CCDC178: variants seen among roughly 807,000 people sequenced by gnomAD.
The protein encoded by CCDC178 is coiled-coil domain containing 178.
A neutral mutation model predicts 117.4 loss-of-function variants in CCDC178; 126 were observed. That is an observed-to-expected ratio of 1.07 (90% confidence interval 0.93 to 1.24). CCDC178 has a LOEUF of 1.24. Among genes scored for constraint, CCDC178 ranks in the 50% most tolerant of loss-of-function variants. The pLI, the probability that CCDC178 is intolerant of heterozygous loss-of-function variation, is 0.00. For synonymous variants in CCDC178, 283 were observed against 313.4 expected, an observed-to-expected ratio of 0.90 and a Z score of 1.02; for missense variants, 1,030 against 986.9, an observed-to-expected ratio of 1.04 and a Z score of -0.59.
intron 8 of CCDC178, 140 bp downstream of exon 8, chr18:33,348,750 G>T (rs73955118): frequency 1.7e-6 from 1 of 605,030 alleles, no homozygotes; most frequent in East Asian, 3.0e-5. Context: ...AAATGATATA[G>T]AGGACTATTT....
intron 20 of CCDC178, among the ~76,000 whole-genome samples, chr18:33,206,720 C>T (rs531797104): frequency 3.3e-4 from 50 of 152,234 alleles, no homozygotes; most frequent in African/African-American, 1.2e-3. Flanking sequence ...AGCCAAGCTC[C>T]AGTAATATCT....
intron 12 of CCDC178, among the ~76,000 whole-genome samples, chr18:33,292,938 C>T (rs2062054736): frequency 6.6e-6 from 1 of 151,964 alleles, no homozygotes; most frequent in African/African-American, 2.4e-5. Context: ...CATGCTGTGC[C>T]CAGACTTCTG....
chr18:33,000,037 C>T (rs180688287), intron 21 of CCDC178, among the ~76,000 whole-genome samples: 2 of 152,058 alleles, frequency 1.3e-5, no homozygotes, highest in Non-Finnish European at 2.9e-5. Flanking sequence ...AAATATGTGA[C>T]CTTTCAGACA....
chr18:32,974,891 G>T (rs138659028), intron 21 of CCDC178, among the ~76,000 whole-genome samples: 1 of 152,104 alleles, frequency 6.6e-6, no homozygotes, highest in Non-Finnish European at 1.5e-5. Context: ...CCGCCAGGAT[G>T]GGGGGTTAAT....
chr18:33,349,172 C>A, intron 7 of CCDC178, among the ~76,000 whole-genome samples, 197 bp from the exon 8 acceptor site: 1 of 151,504 alleles, frequency 6.6e-6, no homozygotes. Context: ...TTAATAAAAA[C>A]TTAAAATTAG....
At chr18:33,149,838 T>C (rs2144336268) in intron 20 of CCDC178, among the ~76,000 whole-genome samples, 1 of 152,136 alleles carries the variant, frequency 6.6e-6, no homozygotes, top group Admixed American at 6.5e-5. Context: ...CAGTGAAGAT[T>C]AACAGTCAAA....
intron 9 of CCDC178, among the ~76,000 whole-genome samples, chr18:33,337,890 A>G (rs1407741692): frequency 1.3e-5 from 2 of 152,202 alleles, no homozygotes; most frequent in Non-Finnish European, 2.9e-5. Flanking sequence ...AAACGCAACA[A>G]AAACAAAGAT....
At chr18:32,962,184 CCTAT>C (rs1234662262) in intron 22 of CCDC178, among the ~76,000 whole-genome samples, 6 of 151,826 alleles carry the variant, frequency 4.0e-5, no homozygotes, top group Non-Finnish European at 7.4e-5. Flanking sequence ...TATTTATTCT[CCTAT>C]CTTTTATGCT....
chr18:33,335,336 G>GT (rs1006975092), intron 9 of CCDC178, among the ~76,000 whole-genome samples: 2 of 151,724 alleles, frequency 1.3e-5, no homozygotes, highest in East Asian at 1.9e-4. Flanking sequence ...ACTTCTAAAT[G>GT]TTTTTTATTT....
chr18:33,166,452 A>G (rs200432), intron 20 of CCDC178, among the ~76,000 whole-genome samples: 24,502 of 152,028 alleles, frequency 0.16, 2,754 homozygotes, highest in African/African-American at 0.32. Flanking sequence ...ACGGCACTAG[A>G]TTCCAACTCT....
At chr18:32,982,939 G>A (rs557140867) in intron 21 of CCDC178, among the ~76,000 whole-genome samples, 2 of 152,104 alleles carry the variant, frequency 1.3e-5, no homozygotes, top group Non-Finnish European at 2.9e-5. Context: ...AACACCAAGA[G>A]TGAACCCTAA....
Position 33,088,573 on chromosome 18 carries a change from C to T in CCDC178, c.2388+4188G>A, listed in dbSNP as rs565948435. ...GCATTGTGTTTTAAATTTCACATTC[C>T]AATTGCTCATTGCTGGTATATAGAA... On this transcript the variant is annotated intron_variant, in intron 21 of 22. Transcript: ENST00000383096. 1.4e-4 allele frequency among the ~76,000 whole-genome samples: 22 copies of T among 152,048 alleles called. No individual in the cohort carries two copies. In the South Asian group the frequency reaches 4.4e-3, roughly 30 times the overall value.
At chr18:33,389,677 G>T in intron 4 of CCDC178, 48 bp from the exon 5 acceptor site, 1 of 986,888 alleles carries the variant, frequency 1.0e-6, no homozygotes, top group Non-Finnish European at 1.4e-6. Flanking sequence ...TAATATTATA[G>T]AAAATTTTAA....
chr18:33,293,063 A>G, intron 12 of CCDC178, 96 bp downstream of exon 12: 2 of 755,190 alleles, frequency 2.6e-6, no homozygotes, highest in Non-Finnish European at 4.1e-6. Context: ...ATATAAAAAA[A>G]TTGGCCAATT....
rs117149735 is a variant in CCDC178 at position 33,045,740 on chromosome 18, G to T, written c.2388+47021C>A. On this transcript the variant is annotated intron_variant, in intron 21 of 22. Transcript: ENST00000383096. ...ACAAAGCCGAAGCATTGCAGGCGTA[G>T]CTTAGTAGTTACCAGTTTTCCAAAT... 3.2e-4 allele frequency among the ~76,000 whole-genome samples: 49 copies of T among 152,238 alleles called. No homozygotes were observed. The East Asian group carries it at 5.8e-3, about 18-fold the overall frequency.
chr18:33,042,370 G>A (rs970208261), intron 21 of CCDC178, among the ~76,000 whole-genome samples: 18 of 151,714 alleles, frequency 1.2e-4, no homozygotes, highest in Non-Finnish European at 1.5e-5. Context: ...AAGTACAGAG[G>A]GCAAAGAAGT....
At chr18:32,999,628 C>T (rs76552933) in intron 21 of CCDC178, among the ~76,000 whole-genome samples, 277 of 152,234 alleles carry the variant, frequency 1.8e-3, no homozygotes, top group African/African-American at 6.4e-3. Flanking sequence ...CAGCTCCATG[C>T]AGCTCAGCAC....
chr18:32,938,159 T>C, intron 22 of CCDC178, 68 bp from the exon 23 acceptor site: 1 of 1,082,806 alleles, frequency 9.2e-7, no homozygotes, highest in Non-Finnish European at 1.4e-6. Flanking sequence ...AGCATTATTA[T>C]GAAATCATAC....
intron 8 of CCDC178, among the ~76,000 whole-genome samples, chr18:33,348,096 A>G (rs904638388): frequency 6.6e-6 from 1 of 152,032 alleles, no homozygotes; most frequent in East Asian, 1.9e-4. Flanking sequence ...TGAAAACTTG[A>G]TAAGTAATGA....
Sources: gnomAD v4.1 joint callset for allele counts (sites outside exome capture counted in the v4.1 genomes callset) on GRCh38, gnomAD v4.1.1 for gene constraint, MANE v1.5 for transcripts, NCBI Gene and HGNC (gene_info 2026-07-23, HGNC 2026-07-21) for gene names.